The following DCHS2 variants were observed in gnomAD, a reference collection of about 807,000 sequenced individuals.
DCHS2 encodes dachsous cadherin-related 2, also known as protocadherin-23.
In DCHS2, 142 loss-of-function variants were observed where a neutral mutation model predicts 182.4. The ratio of observed to expected loss-of-function variants is 0.78; its 90% CI spans 0.68 to 0.89. DCHS2 has a LOEUF of 0.89. DCHS2 is among the 40% of genes least tolerant of loss of function. The pLI is 0.00. For synonymous variants in DCHS2, 1,740 were observed against 1,663.3 expected (o/e 1.05, Z -1.12); for missense variants, 4,319 against 4,198.6 (o/e 1.03, Z -0.79).
intron 3 of DCHS2, among the ~76,000 whole-genome samples, chr4:154,338,688 G>A (rs1388073): frequency 1 from 151,598 of 152,340 alleles, 75,431 homozygotes; most frequent in Middle Eastern, 1. Flanking sequence ...ATATCCATCA[G>A]GAAAAGAATG....
rs780457423 is a variant in DCHS2 at position 154,315,978 on chromosome 4, G to A, written c.5030C>T (p.Thr1677Ile). The change falls in exon 10 of 20, where the codon ACC becomes ATC. Residue 1677 changes from threonine to isoleucine, a missense_variant. Thr to Ile is a moderately conservative substitution (Grantham distance 89, BLOSUM62 -1). Transcript: ENST00000357232. ...FMLDESSGLL[T>I]TTCPLDYEMK... ...TTCATAATCCAAAGGACAGGTTGTG[G>A]TTAGTAAGCCTGTTTTGAAAATGGA... is the stretch of plus-strand genomic sequence containing the variant. 1.2e-6 allele frequency: 2 copies of A among 1,613,820 alleles called. No individual in the cohort carries two copies. The highest frequency in any genetic ancestry group is 2.2e-5 in the South Asian group (2 of 91,062).
intron 13 of DCHS2, among the ~76,000 whole-genome samples, chr4:154,281,499 A>C (rs1734143074): frequency 6.6e-6 from 1 of 152,192 alleles, no homozygotes; most frequent in African/African-American, 2.4e-5. Flanking sequence ...AATACGTTGA[A>C]AATTTCAAAA....
intron 1 of DCHS2, among the ~76,000 whole-genome samples, chr4:154,479,393 T>A (rs959008001): frequency 6.0e-5 from 9 of 150,888 alleles, no homozygotes; most frequent in African/African-American, 2.2e-4. Flanking sequence ...CAGAAAAAAA[T>A]ATTTTAAAAT....
At chr4:154,308,308 A>T (rs552115530) in intron 10 of DCHS2, among the ~76,000 whole-genome samples, 1 of 152,074 alleles carries the variant, frequency 6.6e-6, no homozygotes, top group African/African-American at 2.4e-5. Flanking sequence ...GGAAGGCATG[A>T]GGAAGAGAGA....
Position 154,490,699 on chromosome 4 carries a change from C to T in DCHS2, c.657G>A (p.Pro219=), listed in dbSNP as rs1728790063. Residue 219 remains proline (P), a synonymous_variant, in exon 1 of 20, where the codon CCG becomes CCA. Coordinates refer to ENST00000357232, the MANE Select transcript of DCHS2 (RefSeq NM_001358235.2). ...GAGTCCGGTAGCGCAACTGGAAGAA[C>T]GGGCCTGCGGGGTCCTTGGGCAGGT... The part of the protein sequence containing the change: ...PSDLPKDPAG[P]FFQLRYRTPG... The T allele has an allele frequency of 1.3e-6, 2 of 1,551,576 alleles. No individual in the cohort carries two copies. The highest frequency in any genetic ancestry group is 1.7e-6 in the Non-Finnish European group (2 of 1,146,904).
At chr4:154,348,931 T>C (rs1729479883) in intron 3 of DCHS2, among the ~76,000 whole-genome samples, 1 of 151,970 alleles carries the variant, frequency 6.6e-6, no homozygotes, top group South Asian at 2.1e-4. Context: ...CACATTTTGG[T>C]TGTCACTTTC....
chr4:154,266,641 G>A (rs1036810759), intron 14 of DCHS2, among the ~76,000 whole-genome samples: 1 of 124,508 alleles, frequency 8.0e-6, no homozygotes, highest in South Asian at 3.1e-4. Flanking sequence ...GGGCAACAGA[G>A]CAAGGCTCCG....
chr4:154,468,130 G>A (rs1203396655), intron 1 of DCHS2, among the ~76,000 whole-genome samples: 1 of 152,000 alleles, frequency 6.6e-6, no homozygotes, highest in Non-Finnish European at 1.5e-5. Flanking sequence ...ATTAAATATG[G>A]GCAGTTCTCC....
At chr4:154,471,035 C>G (rs1735443206) in intron 1 of DCHS2, among the ~76,000 whole-genome samples, 1 of 152,152 alleles carries the variant, frequency 6.6e-6, no homozygotes, top group African/African-American at 2.4e-5. Flanking sequence ...TCCAGCCCTT[C>G]ACGGTGGATG....
intron 1 of DCHS2, among the ~76,000 whole-genome samples, chr4:154,384,751 C>G (rs1310135892): frequency 1.3e-5 from 2 of 151,704 alleles, no homozygotes; most frequent in East Asian, 3.9e-4. Flanking sequence ...GGGATGTGGC[C>G]ACAAGTCAAG....
At chr4:154,329,362 T>A (rs1473148251) in intron 6 of DCHS2, among the ~76,000 whole-genome samples, 161 bp downstream of exon 6, 2 of 152,228 alleles carry the variant, frequency 1.3e-5, no homozygotes, top group Admixed American at 6.5e-5. Context: ...TTTAAAAATT[T>A]TCTTTTAAAA....
chr4:154,480,093 C>A (rs894448669), intron 1 of DCHS2, among the ~76,000 whole-genome samples: 1 of 152,120 alleles, frequency 6.6e-6, no homozygotes, highest in Non-Finnish European at 1.5e-5. Context: ...TAACTTGGTT[C>A]TTGTATAATA....
intron 13 of DCHS2, among the ~76,000 whole-genome samples, chr4:154,276,714 C>T (rs535585518): frequency 4.5e-4 from 68 of 152,262 alleles, no homozygotes; most frequent in African/African-American, 1.5e-3. Flanking sequence ...AATGGGAAAC[C>T]CCAGACCTTG....
Position 154,491,299 on chromosome 4 carries a change from G to A in DCHS2, c.57C>T (p.Val19=). The A allele has an allele frequency of 6.5e-7, 1 of 1,548,412 alleles. No individual in the cohort carries two copies. Among genetic ancestry groups the A allele is most frequent in the Non-Finnish European group, 8.7e-7 (1 of 1,144,996 alleles). Residue 19 remains valine, a synonymous_variant, in exon 1 of 20, where the codon GTC becomes GTT. Coordinates refer to ENST00000357232, the MANE Select transcript of DCHS2 (RefSeq NM_001358235.2). ...TCCCGGGGAGCAGAAGGAGCTTCCC[G>A]ACCGGAGCCCGCCGCTGCTGACGCC... The part of the protein sequence containing the change: ...GEGRQQRRAP[V]GKLLLLPGRR...
In DCHS2 at chr4:154,298,501, T is replaced by A; in HGVS notation, c.5813A>T (p.Tyr1938Phe). Residue 1938 changes from tyrosine to phenylalanine, a missense_variant, in exon 13 of 20, where the codon TAC becomes TTC. Physicochemically the swap from Tyr to Phe is conservative, Grantham distance 22. Coordinates refer to ENST00000357232, the MANE Select transcript of DCHS2 (RefSeq NM_001358235.2). ...AGCATCTTCTCTCACAGAGGACTGG[T>A]AATAAAGTGTGGGAAAAGAAGGACT... is the stretch of plus-strand genomic sequence containing the variant. Reference protein sequence around the residue: ...DHSPSFPTLYYQSSVREDAEV... With the variant: ...DHSPSFPTLYFQSSVREDAEV... The A allele has an allele frequency of 6.2e-7, 1 of 1,614,122 alleles. No individual in the cohort carries two copies. The highest frequency in any genetic ancestry group is 8.5e-7 in the Non-Finnish European group (1 of 1,179,998).
At chr4:154,484,789 A>C (rs4696591) in intron 1 of DCHS2, among the ~76,000 whole-genome samples, 2 of 152,184 alleles carry the variant, frequency 1.3e-5, no homozygotes, top group African/African-American at 4.8e-5. Context: ...AGTTGTTACT[A>C]AAATCGATTT....
chr4:154,280,967 A>G (rs1348309770), intron 13 of DCHS2, among the ~76,000 whole-genome samples: 1 of 152,036 alleles, frequency 6.6e-6, no homozygotes, highest in Non-Finnish European at 1.5e-5. Context: ...AGTCGGGATT[A>G]CAGGCATCCG....
chr4:154,355,757 C>T (rs558370729), intron 3 of DCHS2: 2 of 152,138 alleles, frequency 1.3e-5, no homozygotes, highest in African/African-American at 2.4e-5. Flanking sequence ...ATTCCTGTTA[C>T]TTAATAATGT....
In DCHS2 at chr4:154,298,539, A is replaced by C. The variant is rs370438756; in HGVS notation, c.5775T>G (p.Asp1925Glu). Reference protein sequence around the residue: ...SVIHLQVRVLDANDHSPSFPT... With the variant: ...SVIHLQVRVLEANDHSPSFPT... ...GAAAAGAAGGACTGTGGTCATTGGCATCCAAAACTCTAACTTGCAGGTGTA... is the reference window on the plus strand; with the variant it reads ...GAAAAGAAGGACTGTGGTCATTGGCCTCCAAAACTCTAACTTGCAGGTGTA... The change falls in exon 13 of 20, where the codon GAT becomes GAG. Residue 1925 changes from aspartate to glutamate, a missense_variant. Physicochemically the swap from Asp to Glu is conservative, Grantham distance 45. Transcript: ENST00000357232. 1 of 1,614,166 alleles carries C rather than the reference A, an allele frequency of 6.2e-7. No individual in the cohort carries two copies. The highest frequency in any genetic ancestry group is 1.3e-5 in the African/African-American group (1 of 75,060).
Sources: allele counts gnomAD v4.1 joint callset (sites outside exome capture counted in the v4.1 genomes callset), GRCh38; gene constraint gnomAD v4.1.1; transcripts MANE v1.5; gene names NCBI Gene and HGNC (gene_info 2026-07-23, HGNC 2026-07-21).